SIPA1L1: variants seen among roughly 807,000 people sequenced by gnomAD.
The protein encoded by SIPA1L1 is signal induced proliferation associated 1 like 1, also known as signal-induced proliferation-associated 1-like protein 1.
In SIPA1L1, 26 loss-of-function variants were observed where a neutral mutation model predicts 162.7. That is an observed-to-expected ratio of 0.16 (90% CI 0.12 to 0.22). The LOEUF (loss-of-function observed/expected upper bound fraction) is 0.22, where lower values mean the gene tolerates loss of function less well. Ranked by LOEUF, SIPA1L1 falls within the 10% of genes least tolerant of loss-of-function variation. The probability of loss-of-function intolerance (pLI) is 1.00; values close to 1 mark genes in which losing one functional copy is unlikely to be tolerated. For synonymous variants in SIPA1L1, 829 were observed against 837.4 expected (o/e 0.99, Z 0.17); for missense variants, 1,874 against 2,241.0 (o/e 0.84, Z 3.31).
chr14:71,703,946 T>A (rs1487745739), intron 15 of SIPA1L1, among the ~76,000 whole-genome samples: 1 of 152,136 alleles, frequency 6.6e-6, no homozygotes, highest in African/African-American at 2.4e-5. Context: ...GACTTAAAAA[T>A]GAATGTAGAT....
At chr14:71,643,280 A>G (rs1373628738) in intron 7 of SIPA1L1, among the ~76,000 whole-genome samples, 1 of 152,240 alleles carries the variant, frequency 6.6e-6, no homozygotes, top group Non-Finnish European at 1.5e-5. Context: ...ATCAAAATAA[A>G]CAATGAACAT....
chr14:71,710,202 G>C (rs2082762806), intron 17 of SIPA1L1, among the ~76,000 whole-genome samples: 1 of 152,162 alleles, frequency 6.6e-6, no homozygotes, highest in African/African-American at 2.4e-5. Flanking sequence ...GAGAGTGGGG[G>C]ATGTCCAATA....
chr14:71,639,869 A>G (rs2041530703), intron 7 of SIPA1L1, among the ~76,000 whole-genome samples: 2 of 152,014 alleles, frequency 1.3e-5, no homozygotes, highest in Non-Finnish European at 2.9e-5. Flanking sequence ...GGACATCCAT[A>G]AACAAAATAA....
chr14:71,462,476 A>G (rs2046677313), intron 2 of SIPA1L1, among the ~76,000 whole-genome samples: 1 of 152,172 alleles, frequency 6.6e-6, no homozygotes, highest in Non-Finnish European at 1.5e-5. Context: ...ACACACCCAC[A>G]TGAGGAATGT....
intron 4 of SIPA1L1, among the ~76,000 whole-genome samples, chr14:71,550,227 G>C (rs778711077): frequency 2.2e-4 from 34 of 152,132 alleles, no homozygotes; most frequent in Non-Finnish European, 1.6e-4. Context: ...TCCAGCCTGA[G>C]TGACAGAGTG....
Position 71,589,202 on chromosome 14 carries a change from A to T in SIPA1L1, c.1330A>T (p.Ser444Cys). 1 of 1,614,122 alleles carries T rather than the reference A, an allele frequency of 6.2e-7. No homozygotes were observed. The highest frequency in any genetic ancestry group is 8.5e-7 in the Non-Finnish European group (1 of 1,179,970). ...TTCTGGCTCCTTTAGTGGATGTGAA[A>T]GTGCCTCCTTTGAGTCTACCCTTAG... Reference protein sequence around the residue: ...SNSGSFSGCESASFESTLSSH... With the variant: ...SNSGSFSGCECASFESTLSSH... Residue 444 changes from serine to cysteine, a missense_variant, in exon 5 of 24, where the codon AGT (serine) becomes TGT (cysteine). By Grantham distance (112) the Ser-to-Cys change is moderately radical. Transcript: ENST00000381232.
At position 71,385,686 on chromosome 14, in the gene SIPA1L1, CTTTTTTTTT is replaced by C. The variant is rs532140419; in HGVS notation, c.-465+64517_-465+64525del. On this transcript the variant is annotated intron_variant, in intron 2 of 23. Transcript: ENST00000381232. ...GATGCTTTACTTTCTTTTGTACATT[CTTTTTTTTT>C]TTTTTTTTTTTGAAACAAGTCTTGC... is the stretch of plus-strand genomic sequence containing the variant. 4.4e-5 allele frequency among the ~76,000 whole-genome samples: 5 copies of C among 112,390 alleles called. No individual in the cohort carries two copies. In the South Asian group the frequency reaches 1.1e-3, roughly 25 times the overall value. 73.7% of individuals were successfully genotyped at this position (112,390 alleles called of 152,430 possible). A position where few individuals can be genotyped will look rare whatever the true frequency, so the allele number is the denominator to read the frequency against.
At chr14:71,398,008 AATTTTTTTT>A (rs2041354422) in intron 2 of SIPA1L1, among the ~76,000 whole-genome samples, 2 of 88,706 alleles carry the variant, frequency 2.3e-5, no homozygotes. Context: ...CAAAAAAAAA[AATTTTTTTT>A]TTTTTTTTTT....
intron 2 of SIPA1L1, among the ~76,000 whole-genome samples, chr14:71,488,248 A>T (rs1365715153): frequency 6.6e-6 from 1 of 152,096 alleles, no homozygotes; most frequent in Non-Finnish European, 1.5e-5. Context: ...CACTTTCATT[A>T]CTGATTATTA....
intron 7 of SIPA1L1, among the ~76,000 whole-genome samples, chr14:71,637,456 G>T (rs532642053): frequency 3.3e-5 from 5 of 152,100 alleles, no homozygotes; most frequent in Admixed American, 6.5e-5. Context: ...ATCGAGTTGG[G>T]CGCAGTGACA....
intron 2 of SIPA1L1, among the ~76,000 whole-genome samples, chr14:71,503,367 G>A (rs1223873299): frequency 1.3e-5 from 2 of 152,160 alleles, no homozygotes; most frequent in Non-Finnish European, 2.9e-5. Context: ...TCCTCAATAA[G>A]CTGATTATGC....
intron 7 of SIPA1L1, among the ~76,000 whole-genome samples, chr14:71,630,164 G>T (rs2040427759): frequency 6.6e-6 from 1 of 152,232 alleles, no homozygotes; most frequent in Non-Finnish European, 1.5e-5. Context: ...TTAGAGTTCA[G>T]ATGGCTACCA....
At chr14:71,710,878 T>A (rs1020037471) in intron 17 of SIPA1L1, among the ~76,000 whole-genome samples, 21 of 152,140 alleles carry the variant, frequency 1.4e-4, no homozygotes, top group African/African-American at 4.6e-4. Context: ...TAGTTTTTAT[T>A]TTTCAAATGG....
intron 2 of SIPA1L1, among the ~76,000 whole-genome samples, chr14:71,437,585 C>T (rs998642742): frequency 6.6e-6 from 1 of 152,106 alleles, no homozygotes; most frequent in African/African-American, 2.4e-5. Flanking sequence ...TGGTCTCGAA[C>T]TCCTAGCCTC....
At chr14:71,555,112 G>A (rs1363307770) in intron 4 of SIPA1L1, among the ~76,000 whole-genome samples, 2 of 152,182 alleles carry the variant, frequency 1.3e-5, no homozygotes, top group Non-Finnish European at 2.9e-5. Context: ...CCCCTAATAA[G>A]AGAGTCAGAC....
At chr14:71,499,601 T>G (rs1457330707) in intron 2 of SIPA1L1, among the ~76,000 whole-genome samples, 1 of 152,142 alleles carries the variant, frequency 6.6e-6, no homozygotes, top group East Asian at 1.9e-4. Context: ...TCCTCAGTTA[T>G]TTTTGGTTCT....
chr14:71,341,897 A>G (rs1294962666), intron 2 of SIPA1L1, among the ~76,000 whole-genome samples: 1 of 152,060 alleles, frequency 6.6e-6, no homozygotes, highest in African/African-American at 2.4e-5. Flanking sequence ...TTCTTTATCC[A>G]ACCCACTGTT....
At chr14:71,733,856 C>T (rs140242435) in intron 21 of SIPA1L1, 44 bp downstream of exon 21, 21 of 1,589,180 alleles carry the variant, frequency 1.3e-5, no homozygotes, top group Admixed American at 1.7e-5. Context: ...GATCCTGCAG[C>T]GGAGTGAGCA....
At chr14:71,734,433 G>C (rs1292568331) in intron 21 of SIPA1L1, among the ~76,000 whole-genome samples, 1 of 152,194 alleles carries the variant, frequency 6.6e-6, no homozygotes, top group Non-Finnish European at 1.5e-5. Context: ...TTTGTTTTTT[G>C]AATGAAGACT....
Sources: gnomAD v4.1 joint callset for allele counts (sites outside exome capture counted in the v4.1 genomes callset) on GRCh38, gnomAD v4.1.1 for gene constraint, MANE v1.5 for transcripts, NCBI Gene and HGNC (gene_info 2026-07-23, HGNC 2026-07-21) for gene names.